Variants in PGM2L1 observed in about 807,000 individuals in gnomAD.
PGM2L1 encodes the protein phosphoglucomutase 2 like 1.
Under a neutral mutation model 73.4 loss-of-function variants are expected in PGM2L1, and 35 were observed. The ratio of observed to expected loss-of-function variants is 0.48; its 90% CI spans 0.36 to 0.63. The LOEUF (loss-of-function observed/expected upper bound fraction) is 0.63, where lower values mean the gene tolerates loss of function less well. PGM2L1 is among the 30% of genes least tolerant of loss of function. The probability of loss-of-function intolerance (pLI) is 0.00; values close to 1 mark genes in which losing one functional copy is unlikely to be tolerated. For synonymous variants in PGM2L1, 225 were observed against 253.8 expected, an observed-to-expected ratio of 0.89 and a Z score of 1.08; for missense variants, 570 against 742.0, an observed-to-expected ratio of 0.77 and a Z score of 2.69.
At chr11:74,360,370 C>T (rs1047393790) in intron 5 of PGM2L1, among the ~76,000 whole-genome samples, 2 of 151,420 alleles carry the variant, frequency 1.3e-5, no homozygotes, top group African/African-American at 4.9e-5. Flanking sequence ...ATGCCTATAG[C>T]CCCAGCTACT....
Position 74,343,418 on chromosome 11 carries a change from T to C in PGM2L1, c.1219-2A>G. 6.2e-7 allele frequency: 1 copy of C among 1,603,824 alleles called. No homozygotes were observed. Among genetic ancestry groups the C allele is most frequent in the Non-Finnish European group, 8.5e-7 (1 of 1,177,498 alleles). The stretch of plus-strand genomic sequence containing the variant: ...CCATTTAAAACCTGGTAATGTTTCC[T>C]GAAATGCAGAGGAGGCCACTCTAGT... On this transcript the variant is annotated splice_acceptor_variant, in intron 9 of 13. Transcript: ENST00000298198. LOFTEE classifies it high-confidence loss of function.
chr11:74,391,407 C>T (rs1863100210), intron 1 of PGM2L1, among the ~76,000 whole-genome samples: 1 of 152,132 alleles, frequency 6.6e-6, no homozygotes, highest in Non-Finnish European at 1.5e-5. Flanking sequence ...GATTTCTTTA[C>T]ATTGGATTTC....
chr11:74,334,643 G>C lies in PGM2L1; in HGVS notation c.*2009C>G, dbSNP rs1449243005. On this transcript the variant is annotated 3_prime_UTR_variant, in exon 14 of 14. Coordinates refer to ENST00000298198, the MANE Select transcript of PGM2L1 (RefSeq NM_173582.6). ...TACAATAGTTGGACAATTAGGTTTG[G>C]ATTATATGAGCTCAACCAAATGTTA... The C allele has an allele frequency of 2.6e-5, 4 of 152,174 alleles. No individual in the cohort carries two copies. The highest frequency in any genetic ancestry group is 9.7e-5 in the African/African-American group (4 of 41,434). The allele number at this position is 152,174 out of a possible 1,614,324, so 9.4% of individuals were successfully genotyped here.
chr11:74,343,407 GT>G lies in PGM2L1; in HGVS notation c.1227del (p.Leu409PhefsTer11). On this transcript the variant is annotated frameshift_variant, in exon 10 of 14. Transcript: ENST00000298198. LOFTEE classifies it high-confidence loss of function. ...CTACTTCCAATCCATTTAAAACCTG[GT>G]AATGTTTCCTGAAATGCAGAGGAGG... Reference protein sequence around the residue: ...LKEGFHFEETLPGFKWIGSRI... With the variant: ...LKEGFHFEETXPGFKWIGSRI... 6.2e-7 allele frequency: 1 copy of G among 1,605,016 alleles called. No homozygotes were observed. Among genetic ancestry groups the G allele is most frequent in the Non-Finnish European group, 8.5e-7 (1 of 1,177,732 alleles).
chr11:74,346,651 T>C, intron 8 of PGM2L1, 81 bp downstream of exon 8: 1 of 1,066,948 alleles, frequency 9.4e-7, no homozygotes, highest in Non-Finnish European at 1.4e-6. Flanking sequence ...ATCTTTTCAT[T>C]ATTTTCAATG....
At position 74,347,172 on chromosome 11, in the gene PGM2L1, A is replaced by G; in HGVS notation, c.915T>C (p.Asn305=). ...CCAGCACAGATTCTCCTTCTTCAGG[A>G]TTTGGACATTTAACGGTAGAAAAGT... is the stretch of plus-strand genomic sequence containing the variant. ...DPDFSTVKCP[N]PEEGESVLEL... The change falls in exon 7 of 14, where the codon AAT becomes AAC. Residue 305 remains asparagine (N), a synonymous_variant. Coordinates refer to ENST00000298198, the MANE Select transcript of PGM2L1 (RefSeq NM_173582.6). 6.3e-7 allele frequency: 1 copy of G among 1,592,494 alleles called. No homozygotes were observed. The highest frequency in any genetic ancestry group is 8.5e-7 in the Non-Finnish European group (1 of 1,172,038).
rs1231220179 is a variant in PGM2L1, at chr11:74,374,503, C to T, written c.191G>A (p.Arg64Gln). ...NKELRDRLCC[R>Q]MTFGTAGLRS... ...AAGTCCTGCAGTCCCAAAAGTCATT[C>T]GGCAACAAAGACGATCTCGCAGCTC... Residue 64 changes from arginine (R) to glutamine (Q), a missense_variant, in exon 2 of 14, where the codon CGA (arginine) becomes CAA (glutamine). Physicochemically the swap from Arg to Gln is conservative, Grantham distance 43 (BLOSUM62 1). Coordinates refer to ENST00000298198, the MANE Select transcript of PGM2L1 (RefSeq NM_173582.6). 4 of 1,614,122 alleles carry T rather than the reference C, an allele frequency of 2.5e-6. No individual in the cohort carries two copies. Among genetic ancestry groups the T allele is most frequent in the East Asian group, 2.2e-5 (1 of 44,886 alleles).
chr11:74,367,658 G>C (rs1448879385), intron 5 of PGM2L1, among the ~76,000 whole-genome samples: 1 of 152,064 alleles, frequency 6.6e-6, no homozygotes, highest in East Asian at 1.9e-4. Context: ...TCTAACATGT[G>C]TGGTGACCCA....
chr11:74,386,464 C>G (rs1413970935), intron 1 of PGM2L1, among the ~76,000 whole-genome samples: 1 of 150,782 alleles, frequency 6.6e-6, no homozygotes, highest in Non-Finnish European at 1.5e-5. Context: ...TTGGCAATAT[C>G]TGTCAAAAAA....
intron 1 of PGM2L1, among the ~76,000 whole-genome samples, chr11:74,375,461 T>G (rs1862840913): frequency 6.6e-6 from 1 of 152,166 alleles, no homozygotes; most frequent in African/African-American, 2.4e-5. Flanking sequence ...AGTCAAATAT[T>G]AAGGAAATAA....
chr11:74,374,317 C>G, intron 2 of PGM2L1, 98 bp downstream of exon 2: 1 of 1,024,930 alleles, frequency 9.8e-7, no homozygotes, highest in Non-Finnish European at 1.4e-6. Context: ...CTCTGGACCT[C>G]GTGATCTGCC....
chr11:74,357,170 C>G (rs1862471706), intron 5 of PGM2L1, among the ~76,000 whole-genome samples: 2 of 151,980 alleles, frequency 1.3e-5, no homozygotes, highest in African/African-American at 4.8e-5. Flanking sequence ...CTTAGGTACA[C>G]CACCAAAGGC....
chr11:74,351,814 T>A (rs1862359366), intron 5 of PGM2L1, among the ~76,000 whole-genome samples: 1 of 151,680 alleles, frequency 6.6e-6, no homozygotes, highest in South Asian at 2.1e-4. Context: ...TACAAAAAAT[T>A]AGCCGGGTGT....
intron 13 of PGM2L1, among the ~76,000 whole-genome samples, chr11:74,337,832 A>C (rs1219584861): frequency 6.6e-6 from 1 of 152,222 alleles, no homozygotes; most frequent in Non-Finnish European, 1.5e-5. Context: ...TGCTTTAAAA[A>C]ATGGTCTGGC....
chr11:74,356,525 A>G (rs1200288923), intron 5 of PGM2L1, among the ~76,000 whole-genome samples: 2 of 152,378 alleles, frequency 1.3e-5, no homozygotes, highest in Middle Eastern at 3.4e-3. Flanking sequence ...AATTATTAAA[A>G]TATCGAGCCT....
intron 1 of PGM2L1, among the ~76,000 whole-genome samples, chr11:74,386,527 G>A (rs1863021044): frequency 1.3e-5 from 2 of 151,202 alleles, no homozygotes; most frequent in African/African-American, 4.9e-5. Flanking sequence ...CCAGGCTGGA[G>A]TGCAGTGGTG....
chr11:74,374,739 C>T (rs1862831664), intron 1 of PGM2L1, among the ~76,000 whole-genome samples, 157 bp from the exon 2 acceptor site: 1 of 152,136 alleles, frequency 6.6e-6, no homozygotes, highest in Non-Finnish European at 1.5e-5. Context: ...TAATACCTGC[C>T]ATTCACTGAG....
chr11:74,370,188 G>A (rs542520739), intron 4 of PGM2L1, among the ~76,000 whole-genome samples: 3 of 152,092 alleles, frequency 2.0e-5, no homozygotes, highest in South Asian at 2.1e-4. Flanking sequence ...AAGAGTAAGA[G>A]TGTTTTTAAT....
Position 74,371,761 on chromosome 11 carries a change from C to T in PGM2L1, c.336G>A (p.Val112=), listed in dbSNP as rs1355328191. 6.2e-7 allele frequency: 1 copy of T among 1,613,950 alleles called. No homozygotes were observed. Among genetic ancestry groups the T allele is most frequent in the East Asian group, 2.2e-5 (1 of 44,862 alleles). Residue 112 remains valine, a synonymous_variant, in exon 3 of 14, where the codon GTG becomes GTA. Coordinates refer to ENST00000298198, the MANE Select transcript of PGM2L1 (RefSeq NM_173582.6). ...CTTGACCCCGAGTGTCATACCCAAC[C>T]ACAAAGCCTCTCTGCTTGAAGTCTG... ...CFSDFKQRGF[V]VGYDTRGQVT... is the part of the protein sequence containing the mutation.
Sources: gnomAD v4.1 joint callset for allele counts (sites outside exome capture counted in the v4.1 genomes callset) on GRCh38, gnomAD v4.1.1 for gene constraint, MANE v1.5 for transcripts, NCBI Gene and HGNC (gene_info 2026-07-23, HGNC 2026-07-21) for gene names.